Variants in MAP10 observed in about 807,000 individuals in gnomAD.
The protein encoded by MAP10 is microtubule associated protein 10.
A neutral mutation model predicts 6.3 loss-of-function variants in MAP10; 10 were observed. That is an observed-to-expected ratio of 1.58 (90% CI 0.98 to 2.69). The LOEUF is 2.69. MAP10 is among the 30% of genes most tolerant of loss of function. The probability of loss-of-function intolerance (pLI) is 0.00; values close to 1 mark genes in which losing one functional copy is unlikely to be tolerated. For synonymous variants in MAP10, 459 were observed against 429.3 expected, an observed-to-expected ratio of 1.07 and a Z score of -0.86; for missense variants, 1,189 against 1,086.5, an observed-to-expected ratio of 1.09 and a Z score of -1.33.
chr1:232,806,484 C>G lies in MAP10; in HGVS notation c.1035C>G (p.Pro345=), dbSNP rs373474225. The G allele has an allele frequency of 6.2e-7, 1 of 1,613,782 alleles. No homozygotes were observed. The highest frequency in any genetic ancestry group is 1.3e-5 in the African/African-American group (1 of 74,920). Residue 345 remains proline, a synonymous_variant, in exon 1 of 1, where the codon CCC becomes CCG. Coordinates refer to ENST00000418460, the MANE Select transcript of MAP10 (RefSeq NM_019090.3). ...DASPEKKRVN[P]PAHRSCLKHP... ...CTCCTGAAAAAAAGCGTGTAAATCC[C>G]CCAGCACACAGGAGTTGTCTAAAGC...
Position 232,806,548 on chromosome 1 carries a change from G to A in MAP10, c.1099G>A (p.Val367Ile). Residue 367 changes from valine (V) to isoleucine (I), a missense_variant, in exon 1 of 1, where the codon GTA becomes ATA. By Grantham distance (29) the Val-to-Ile change is conservative. Coordinates refer to ENST00000418460, the MANE Select transcript of MAP10 (RefSeq NM_019090.3). Reference protein sequence around the residue: ...SAAHEHPPMLVNPPHIQNIGA... With the variant: ...SAAHEHPPMLINPPHIQNIGA... ...AGCACACGAACATCCTCCAATGCTT[G>A]TAAATCCTCCACATATTCAGAATAT... 1 of 1,613,930 alleles carries A rather than the reference G, an allele frequency of 6.2e-7. No individual in the cohort carries two copies. The highest frequency in any genetic ancestry group is 1.6e-4 in the Middle Eastern group (1 of 6,062).
rs370505479 is a variant in MAP10, at chr1:232,808,003, A to G, written c.2554A>G (p.Ser852Gly). 3.7e-6 allele frequency: 6 copies of G among 1,613,436 alleles called. No individual in the cohort carries two copies. The highest frequency in any genetic ancestry group is 3.3e-5 in the South Asian group (3 of 90,998). The change falls in exon 1 of 1, where the codon AGT becomes GGT. Residue 852 changes from serine to glycine, a missense_variant. Coordinates refer to ENST00000418460, the MANE Select transcript of MAP10 (RefSeq NM_019090.3). ...KSQSPQTSQV[S>G]SYLPSNVSEL... ...CCAGTCACCACAAACATCCCAGGTG[A>G]GTTCTTACCTGCCTTCAAATGTGTC...
In MAP10 at chr1:232,808,028, C is replaced by T; in HGVS notation, c.2579C>T (p.Ser860Phe). The change falls in exon 1 of 1, where the codon TCC becomes TTC. Residue 860 changes from serine to phenylalanine, a missense_variant. Ser to Phe is a radical substitution (Grantham distance 155). Coordinates refer to ENST00000418460, the MANE Select transcript of MAP10 (RefSeq NM_019090.3). ...AGTTCTTACCTGCCTTCAAATGTGT[C>T]CGAACTTAATGTCCTGGATAGCAGT... is the stretch of plus-strand genomic sequence containing the variant. Reference protein sequence around the residue: ...QVSSYLPSNVSELNVLDSSTS... With the variant: ...QVSSYLPSNVFELNVLDSSTS... The T allele has an allele frequency of 6.2e-7, 1 of 1,613,378 alleles. No homozygotes were observed. The highest frequency in any genetic ancestry group is 8.5e-7 in the Non-Finnish European group (1 of 1,179,464).
In MAP10 at chr1:232,806,076, C is replaced by T. The variant is rs1666096491; in HGVS notation, c.627C>T (p.Pro209=). 6.2e-7 allele frequency: 1 copy of T among 1,613,876 alleles called. No individual in the cohort carries two copies. Among genetic ancestry groups the T allele is most frequent in the South Asian group, 1.1e-5 (1 of 91,070 alleles). Residue 209 remains proline, a synonymous_variant, in exon 1 of 1, where the codon CCC becomes CCT. Transcript: ENST00000418460. ...TRTGGGAEVS[P]QTQQERQQLQ... ...CAGGAGGAGGAGCGGAGGTCAGTCC[C>T]CAAACCCAGCAGGAAAGACAGCAGC...
In MAP10 at chr1:232,806,710, C is replaced by G. The variant is rs762959626; in HGVS notation, c.1261C>G (p.Pro421Ala). 1.2e-6 allele frequency: 2 copies of G among 1,613,866 alleles called. No individual in the cohort carries two copies. The highest frequency in any genetic ancestry group is 2.2e-5 in the South Asian group (2 of 91,070). ...TGTGACAAGTCCTGCTCATATACATCCTCACCTAGCCTGGTTATATAGGAC... is the reference window on the plus strand; with the variant it reads ...TGTGACAAGTCCTGCTCATATACATGCTCACCTAGCCTGGTTATATAGGAC... ...QPVTSPAHIH[P>A]HLAWLYRTED... The change falls in exon 1 of 1, where the codon CCT (proline) becomes GCT (alanine). Residue 421 changes from proline to alanine, a missense_variant. Pro to Ala is a conservative substitution (Grantham distance 27). Transcript: ENST00000418460.
chr1:232,806,165 T>G lies in MAP10; in HGVS notation c.716T>G (p.Ile239Ser). ...GATAAGCCGCTGGGGGAGTTAGAAA[T>G]CCCAGAGGCACAGAAGGATTTGAAG... ...EADKPLGELEIPEAQKDLKEM... is the reference protein window; with the variant it reads ...EADKPLGELESPEAQKDLKEM... The change falls in exon 1 of 1, where the codon ATC becomes AGC. Residue 239 changes from isoleucine (I) to serine (S), a missense_variant. Physicochemically the swap from Ile to Ser is moderately radical, Grantham distance 142. Coordinates refer to ENST00000418460, the MANE Select transcript of MAP10 (RefSeq NM_019090.3). 1 of 1,613,814 alleles carries G rather than the reference T, an allele frequency of 6.2e-7. No individual in the cohort carries two copies. Among genetic ancestry groups the G allele is most frequent in the South Asian group, 1.1e-5 (1 of 91,078 alleles).
chr1:232,808,488 G>A lies in MAP10; in HGVS notation c.*321G>A, dbSNP rs1257535624. 5.2e-6 allele frequency: 1 copy of A among 192,132 alleles called. No individual in the cohort carries two copies. Among genetic ancestry groups the A allele is most frequent in the Non-Finnish European group, 1.2e-5 (1 of 85,434 alleles). The allele number at this position is 192,132 out of a possible 1,614,324, so 11.9% of individuals were successfully genotyped here. A position where few individuals can be genotyped will look rare whatever the true frequency, so the allele number is the denominator to read the frequency against. ...TGCACACCACTGAAAAAGAAGGCTA[G>A]TTAGTAAGGACAGCCTCAAATTTTA... On this transcript the variant is annotated 3_prime_UTR_variant, in exon 1 of 1. Coordinates refer to ENST00000418460, the MANE Select transcript of MAP10 (RefSeq NM_019090.3).
chr1:232,807,839 G>C lies in MAP10; in HGVS notation c.2390G>C (p.Ser797Thr). ...SLEEASSISA[S>T]DLSSTHWTEQ... ...GAGGAAGCATCTAGTATCTCTGCTA[G>C]TGATTTATCTTCAACACATTGGACT... is the stretch of plus-strand genomic sequence containing the variant. The change falls in exon 1 of 1, where the codon AGT (serine) becomes ACT (threonine). Residue 797 changes from serine (S) to threonine (T), a missense_variant. Ser to Thr is a moderately conservative substitution (Grantham distance 58). Coordinates refer to ENST00000418460, the MANE Select transcript of MAP10 (RefSeq NM_019090.3). 1 of 1,613,562 alleles carries C rather than the reference G, an allele frequency of 6.2e-7. No homozygotes were observed.
Position 232,806,094 on chromosome 1 carries a change from A to G in MAP10, c.645A>G (p.Arg215=), listed in dbSNP as rs1276780946. ...AEVSPQTQQE[R]QQLQQPASQP... ...TCAGTCCCCAAACCCAGCAGGAAAG[A>G]CAGCAGCTGCAGCAGCCAGCCTCAC... The change falls in exon 1 of 1, where the codon AGA becomes AGG. Residue 215 remains arginine (R), a synonymous_variant. Coordinates refer to ENST00000418460, the MANE Select transcript of MAP10 (RefSeq NM_019090.3). 1 of 1,613,842 alleles carries G rather than the reference A, an allele frequency of 6.2e-7. No individual in the cohort carries two copies. Among genetic ancestry groups the G allele is most frequent in the Non-Finnish European group, 8.5e-7 (1 of 1,179,878 alleles).
At position 232,806,394 on chromosome 1, in the gene MAP10, C is replaced by A. The variant is rs765980497; in HGVS notation, c.945C>A (p.Pro315=). The change falls in exon 1 of 1, where the codon CCC becomes CCA. Residue 315 remains proline, a synonymous_variant. Coordinates refer to ENST00000418460, the MANE Select transcript of MAP10 (RefSeq NM_019090.3). ...CTAACTTGACCCAAGAAAAACCGCC[C>A]CCTGCACAGGCTAAAATCACCATTG... ...YYTNLTQEKP[P]PAQAKITIEP... is the part of the protein sequence containing the mutation. The A allele has an allele frequency of 6.2e-7, 1 of 1,613,824 alleles. No homozygotes were observed. Among genetic ancestry groups the A allele is most frequent in the South Asian group, 1.1e-5 (1 of 91,062 alleles).
rs1383614776 is a variant in MAP10 at position 232,807,069 on chromosome 1, A to G, written c.1620A>G (p.Ser540=). The change falls in exon 1 of 1, where the codon TCA becomes TCG. Residue 540 remains serine (S), a synonymous_variant. Transcript: ENST00000418460. ...QMLGTKFRIP[S]SKVKLLSSAE... is the part of the protein sequence containing the mutation. ...TGGGTACAAAATTCAGAATTCCGTCATCCAAAGTTAAACTATTAAGCTCTG... is the reference window on the plus strand; with the variant it reads ...TGGGTACAAAATTCAGAATTCCGTCGTCCAAAGTTAAACTATTAAGCTCTG... 3.7e-6 allele frequency: 6 copies of G among 1,612,756 alleles called. No individual in the cohort carries two copies. In the Admixed American group the frequency reaches 8.4e-5, roughly 22 times the overall value.
At position 232,809,828 on chromosome 1, in the gene MAP10, G is replaced by A. The variant is rs1361927153; in HGVS notation, c.*1661G>A. ...ACAAAATCAAAATATTGTAATGCCA[G>A]GTATTGTAACTAGATGTTTAATGAT... On this transcript the variant is annotated 3_prime_UTR_variant, in exon 1 of 1. Coordinates refer to ENST00000418460, the MANE Select transcript of MAP10 (RefSeq NM_019090.3). Among the ~76,000 whole-genome samples, 2 of 151,978 alleles carry A rather than the reference G, an allele frequency of 1.3e-5. No homozygotes were observed. Among genetic ancestry groups the A allele is most frequent in the Non-Finnish European group, 2.9e-5 (2 of 67,938 alleles).
chr1:232,806,122 C>G lies in MAP10; in HGVS notation c.673C>G (p.Pro225Ala), dbSNP rs1458125375. Reference protein sequence around the residue: ...RQQLQQPASQPSPKEADKPLG... With the variant: ...RQQLQQPASQASPKEADKPLG... The stretch of plus-strand genomic sequence containing the variant: ...GCAGCTGCAGCAGCCAGCCTCACAG[C>G]CAAGCCCAAAAGAGGCTGATAAGCC... The change falls in exon 1 of 1, where the codon CCA (proline) becomes GCA (alanine). Residue 225 changes from proline to alanine, a missense_variant. Coordinates refer to ENST00000418460, the MANE Select transcript of MAP10 (RefSeq NM_019090.3). 4 of 1,613,844 alleles carry G rather than the reference C, an allele frequency of 2.5e-6. No homozygotes were observed. In the African/African-American group the frequency reaches 5.3e-5, roughly 22 times the overall value.
In MAP10 at chr1:232,806,692, A is replaced by C; in HGVS notation, c.1243A>C (p.Ser415Arg). Residue 415 changes from serine (S) to arginine (R), a missense_variant, in exon 1 of 1, where the codon AGT becomes CGT. Ser to Arg is a moderately radical substitution (Grantham distance 110, BLOSUM62 -1). Transcript: ENST00000418460. ...CTTGTTATATGACCAACCTGTGACA[A>C]GTCCTGCTCATATACATCCTCACCT... Reference protein sequence around the residue: ...LSLLYDQPVTSPAHIHPHLAW... With the variant: ...LSLLYDQPVTRPAHIHPHLAW... 6.2e-7 allele frequency: 1 copy of C among 1,613,934 alleles called. No individual in the cohort carries two copies. Among genetic ancestry groups the C allele is most frequent in the Non-Finnish European group, 8.5e-7 (1 of 1,179,894 alleles).
chr1:232,807,356 T>C lies in MAP10; in HGVS notation c.1907T>C (p.Leu636Pro), dbSNP rs1401776568. The change falls in exon 1 of 1, where the codon CTG (leucine) becomes CCG (proline). Residue 636 changes from leucine (L) to proline (P), a missense_variant. Coordinates refer to ENST00000418460, the MANE Select transcript of MAP10 (RefSeq NM_019090.3). ...IPERLTPTNI[L>P]GGNVEMKIQS... ...GAAAGGCTTACCCCTACAAATATTC[T>C]GGGAGGAAATGTGGAAATGAAAATC... The C allele has an allele frequency of 3.7e-6, 6 of 1,613,800 alleles. No individual in the cohort carries two copies. The highest frequency in any genetic ancestry group is 1.3e-5 in the African/African-American group (1 of 74,926).
Position 232,807,686 on chromosome 1 carries a change from A to T in MAP10, c.2237A>T (p.Asp746Val), listed in dbSNP as rs1486858718. The T allele has an allele frequency of 6.2e-7, 1 of 1,613,384 alleles. No individual in the cohort carries two copies. The change falls in exon 1 of 1, where the codon GAC becomes GTC. Residue 746 changes from aspartate (D) to valine (V), a missense_variant. By Grantham distance (152) the Asp-to-Val change is radical. Transcript: ENST00000418460. ...AGTCAATATACAAGCAAGTCTAGTG[A>T]CACAGGAGTGTCCAAAAAGAAAAAT... ...KHSQYTSKSSDTGVSKKKNSS... is the reference protein window; with the variant it reads ...KHSQYTSKSSVTGVSKKKNSS...
In MAP10 at chr1:232,805,462, C is replaced by G. The variant is rs376093107; in HGVS notation, c.13C>G (p.Leu5Val). 2.5e-6 allele frequency: 4 copies of G among 1,603,872 alleles called. No homozygotes were observed. Among genetic ancestry groups the G allele is most frequent in the Middle Eastern group, 1.7e-4 (1 of 5,744 alleles). MAAS[L>V]SERLFSLELL... ...TGGGGCAACAGCAATGGCGGCCTCG[C>G]TGTCCGAGCGGCTCTTCTCGCTGGA... Residue 5 changes from leucine to valine, a missense_variant, in exon 1 of 1, where the codon CTG (leucine) becomes GTG (valine). By Grantham distance (32) the Leu-to-Val change is conservative. Transcript: ENST00000418460.
In MAP10 at chr1:232,807,263, G is replaced by A. The variant is rs1335247122; in HGVS notation, c.1814G>A (p.Cys605Tyr). 1 of 1,613,070 alleles carries A rather than the reference G, an allele frequency of 6.2e-7. No individual in the cohort carries two copies. Among genetic ancestry groups the A allele is most frequent in the Non-Finnish European group, 8.5e-7 (1 of 1,179,474 alleles). ...GCAACTGAAAAAAAGACAGTTGATT[G>A]TAGTAAAAATAGAATCAATAATGTT... ...KYATEKKTVD[C>Y]SKNRINNVSL... The change falls in exon 1 of 1, where the codon TGT becomes TAT. Residue 605 changes from cysteine to tyrosine, a missense_variant. By Grantham distance (194) the Cys-to-Tyr change is radical (BLOSUM62 -2). Coordinates refer to ENST00000418460, the MANE Select transcript of MAP10 (RefSeq NM_019090.3).
In MAP10 at chr1:232,806,944, T is replaced by A. The variant is rs748888455; in HGVS notation, c.1495T>A (p.Leu499Ile). 1.1e-5 allele frequency: 17 copies of A among 1,610,088 alleles called. No homozygotes were observed. In the South Asian group the frequency reaches 1.9e-4, roughly 18 times the overall value. ...RVPKGRLLYGLTNTLRLRLKL... is the reference protein window; with the variant it reads ...RVPKGRLLYGITNTLRLRLKL... ...TCCAAAAGGGAGGCTACTTTATGGC[T>A]TAACAAATACACTAAGACTACGTTT... The change falls in exon 1 of 1, where the codon TTA becomes ATA. Residue 499 changes from leucine (L) to isoleucine (I), a missense_variant. Transcript: ENST00000418460.
Sources: allele counts gnomAD v4.1 joint callset (sites outside exome capture counted in the v4.1 genomes callset), GRCh38; gene constraint gnomAD v4.1.1; transcripts MANE v1.5; gene names NCBI Gene and HGNC (gene_info 2026-07-23, HGNC 2026-07-21).